NAALADL2: variants seen among roughly 807,000 people sequenced by gnomAD.
NAALADL2 encodes the protein inactive N-acetylated-alpha-linked acidic dipeptidase-like protein 2.
NAALADL2 carries 76 observed loss-of-function variants against 87.2 expected under a neutral mutation model. The observed-to-expected ratio is 0.87, with a 90% CI of 0.72 to 1.05. NAALADL2 has a LOEUF of 1.05. Ranked by LOEUF, NAALADL2 falls within the 50% of genes least tolerant of loss-of-function variation. The pLI is 0.00. For missense variants in NAALADL2, 1,089 were observed against 945.8 expected (o/e 1.15, Z -1.99); for synonymous variants, 354 against 331.0 (o/e 1.07, Z -0.75).
intron 3 of NAALADL2, among the ~76,000 whole-genome samples, chr3:174,785,473 G>T (rs919418764): frequency 2.6e-5 from 4 of 151,952 alleles, no homozygotes; most frequent in South Asian, 4.1e-4. Context: ...TTTATTTCTG[G>T]GTTCTCTATT....
intron 3 of NAALADL2, among the ~76,000 whole-genome samples, chr3:174,770,078 C>A (rs1714343931): frequency 6.6e-6 from 1 of 152,068 alleles, no homozygotes; most frequent in Admixed American, 6.6e-5. Context: ...TATGTCATAT[C>A]CATCAACTCT....
At chr3:175,598,083 A>C (rs1026878228) in intron 10 of NAALADL2, among the ~76,000 whole-genome samples, 1 of 152,020 alleles carries the variant, frequency 6.6e-6, no homozygotes, top group Non-Finnish European at 1.5e-5. Context: ...GGCATAGCAA[A>C]ACAGATAAAA....
At chr3:174,445,038 G>T (rs2108261118) in intron 1 of NAALADL2, among the ~76,000 whole-genome samples, 1 of 151,480 alleles carries the variant, frequency 6.6e-6, no homozygotes, top group South Asian at 2.1e-4. Flanking sequence ...AGTTATTTAG[G>T]GACCATTTGT....
chr3:175,210,815 T>C (rs190165555), intron 2 of NAALADL2, among the ~76,000 whole-genome samples: 10 of 151,960 alleles, frequency 6.6e-5, no homozygotes, highest in Admixed American at 4.6e-4. Context: ...ATTTAAAAAA[T>C]GTTTTAAATT....
At chr3:175,499,520 T>C (rs1430359313) in intron 9 of NAALADL2, among the ~76,000 whole-genome samples, 1 of 152,078 alleles carries the variant, frequency 6.6e-6, no homozygotes, top group East Asian at 1.9e-4. Context: ...TTATTCCTGT[T>C]TTTAACTTCT....
chr3:174,804,673 C>A (rs896051652), intron 3 of NAALADL2, among the ~76,000 whole-genome samples: 2 of 151,688 alleles, frequency 1.3e-5, no homozygotes, highest in Admixed American at 6.6e-5. Context: ...TGACATGGAC[C>A]CTAACTTAGA....
intron 3 of NAALADL2, among the ~76,000 whole-genome samples, chr3:174,757,634 G>T (rs1232925655): frequency 1.3e-5 from 2 of 151,988 alleles, no homozygotes; most frequent in Non-Finnish European, 2.9e-5. Flanking sequence ...GGGGACTACA[G>T]GTACGCACCA....
intron 1 of NAALADL2, among the ~76,000 whole-genome samples, chr3:174,879,318 A>G (rs1307326116): frequency 6.6e-6 from 1 of 152,088 alleles, no homozygotes; most frequent in Non-Finnish European, 1.5e-5. Flanking sequence ...TGCCAAAGCC[A>G]AATTTCCTAG....
chr3:174,750,541 C>T (rs1332249439), intron 3 of NAALADL2, among the ~76,000 whole-genome samples: 3 of 152,054 alleles, frequency 2.0e-5, no homozygotes, highest in Non-Finnish European at 4.4e-5. Flanking sequence ...TCAAGTGATT[C>T]TCCTGCTTCA....
intron 2 of NAALADL2, among the ~76,000 whole-genome samples, chr3:174,652,673 A>C (rs1275347709): frequency 6.6e-6 from 1 of 152,200 alleles, no homozygotes; most frequent in Non-Finnish European, 1.5e-5. Flanking sequence ...TATGGGAGCT[A>C]TAGTGCATGG....
At chr3:175,231,593 T>C (rs935623440) in intron 2 of NAALADL2, among the ~76,000 whole-genome samples, 3 of 152,112 alleles carry the variant, frequency 2.0e-5, no homozygotes, top group Non-Finnish European at 4.4e-5. Context: ...ATGTTTTCAG[T>C]TGCTTGCACC....
chr3:174,599,291 A>G (rs1156357779), intron 2 of NAALADL2, among the ~76,000 whole-genome samples: 1 of 152,148 alleles, frequency 6.6e-6, no homozygotes, highest in Non-Finnish European at 1.5e-5. Context: ...TGATAGGCAG[A>G]CATAATTTAT....
intron 2 of NAALADL2, among the ~76,000 whole-genome samples, chr3:174,573,994 G>A (rs2108542094): frequency 6.6e-6 from 1 of 152,244 alleles, no homozygotes; most frequent in Admixed American, 6.5e-5. Flanking sequence ...GTGCAAGCTG[G>A]CCCCACTAGA....
chr3:175,318,979 T>C (rs1181629898), intron 4 of NAALADL2, among the ~76,000 whole-genome samples: 1 of 92,012 alleles, frequency 1.1e-5, no homozygotes, highest in East Asian at 3.4e-4. Flanking sequence ...TTCTATTATA[T>C]TTTTATATAT....
intron 2 of NAALADL2, among the ~76,000 whole-genome samples, chr3:174,655,052 T>G (rs1204343964): frequency 6.6e-6 from 1 of 152,184 alleles, no homozygotes; most frequent in Non-Finnish European, 1.5e-5. Context: ...ATGTTTATTT[T>G]TAACCAAACC....
chr3:175,673,331 A>G (rs1207982494), intron 11 of NAALADL2, among the ~76,000 whole-genome samples: 1 of 152,114 alleles, frequency 6.6e-6, no homozygotes, highest in Non-Finnish European at 1.5e-5. Flanking sequence ...ATCATCTTCA[A>G]ACTAAATGGA....
intron 1 of NAALADL2, among the ~76,000 whole-genome samples, chr3:174,964,014 G>A (rs758889133): frequency 5.1e-5 from 7 of 137,886 alleles, no homozygotes; most frequent in East Asian, 1.9e-4. Context: ...ATACTTTTTC[G>A]CATGTTATTA....
At chr3:175,308,438 G>A (rs547880051) in intron 4 of NAALADL2, among the ~76,000 whole-genome samples, 6 of 152,278 alleles carry the variant, frequency 3.9e-5, no homozygotes, top group Admixed American at 3.3e-4. Flanking sequence ...AGGGGGTTGC[G>A]TGGCAGGGGA....
intron 1 of NAALADL2, among the ~76,000 whole-genome samples, chr3:174,946,177 A>C (rs765728928): frequency 1.3e-5 from 2 of 151,988 alleles, no homozygotes; most frequent in African/African-American, 4.8e-5. Context: ...TAAGCCTATC[A>C]AGAATTTGAG....
Sources: allele counts gnomAD v4.1 joint callset (sites outside exome capture counted in the v4.1 genomes callset), GRCh38; gene constraint gnomAD v4.1.1; transcripts MANE v1.5; gene names NCBI Gene and HGNC (gene_info 2026-07-23, HGNC 2026-07-21).